The following PTCHD1 variants were observed in gnomAD, a reference collection of about 807,000 sequenced individuals.
PTCHD1 encodes the protein patched domain-containing protein 1.
A neutral mutation model predicts 34.6 loss-of-function variants in PTCHD1; 3 were observed. The ratio of observed to expected loss-of-function variants is 0.09; its 90% CI spans 0.04 to 0.22. The LOEUF is 0.22. PTCHD1 is among the 10% of genes least tolerant of loss of function. The probability of loss-of-function intolerance (pLI) is 1.00; values close to 1 mark genes in which losing one functional copy is unlikely to be tolerated. For synonymous variants in PTCHD1, 305 were observed against 283.1 expected (o/e 1.08, Z -0.77); for missense variants, 504 against 685.5 (o/e 0.74, Z 2.96).
chrX:23,341,021 C>A (rs958590957), intron 1 of PTCHD1, among the ~76,000 whole-genome samples: 1 of 112,512 alleles, frequency 8.9e-6, no homozygotes, highest in Non-Finnish European at 1.9e-5. Context: ...CTAGGGTTGT[C>A]TGACTTTTAA....
intron 2 of PTCHD1, among the ~76,000 whole-genome samples, chrX:23,381,717 G>A (rs1922568996): frequency 8.9e-6 from 1 of 111,906 alleles, no homozygotes; most frequent in South Asian, 3.8e-4. Context: ...AGACCGAGCA[G>A]CCTGATAATT....
chrX:23,372,548 C>G (rs1922308855), intron 1 of PTCHD1, among the ~76,000 whole-genome samples: 1 of 111,578 alleles, frequency 9.0e-6, no homozygotes, highest in African/African-American at 3.3e-5. Flanking sequence ...ACTCCTGATA[C>G]AGTGCTCCTC....
intron 2 of PTCHD1, among the ~76,000 whole-genome samples, chrX:23,388,853 TG>T (rs1490335077): frequency 9.3e-6 from 1 of 107,565 alleles, no homozygotes; most frequent in African/African-American, 3.4e-5. Context: ...AAGCAATGAA[TG>T]ATGATGATGC....
At chrX:23,379,536 A>G in intron 1 of PTCHD1, 55 bp from the exon 2 acceptor site, 1 of 1,164,364 alleles carries the variant, frequency 8.6e-7, no homozygotes. Flanking sequence ...CCCTCTCCAA[A>G]AAATAAAAAT....
chrX:23,389,423 C>A (rs537343533), intron 2 of PTCHD1, among the ~76,000 whole-genome samples: 2 of 112,141 alleles, frequency 1.8e-5, no homozygotes, highest in Admixed American at 1.9e-4. Context: ...CTTGTCCCTC[C>A]CTTGACTGAC....
At chrX:23,361,019 G>C (rs781688041) in intron 1 of PTCHD1, among the ~76,000 whole-genome samples, 2 of 111,889 alleles carry the variant, frequency 1.8e-5, no homozygotes, top group Non-Finnish European at 3.8e-5. Flanking sequence ...AGAGACAGTT[G>C]GTTGTGATTT....
intron 2 of PTCHD1, 57 bp from the exon 3 acceptor site, chrX:23,392,474 C>A: frequency 1.2e-6 from 1 of 807,422 alleles, no homozygotes; most frequent in Non-Finnish European, 1.9e-6. Context: ...AAGTTGATTT[C>A]CCTCTTAAGA....
At chrX:23,338,178 G>T (rs748130989) in intron 1 of PTCHD1, among the ~76,000 whole-genome samples, 1 of 111,911 alleles carries the variant, frequency 8.9e-6, no homozygotes, top group East Asian at 2.8e-4. Flanking sequence ...ACAGGGCAAC[G>T]ATGCATTATT....
intron 1 of PTCHD1, among the ~76,000 whole-genome samples, chrX:23,341,479 G>C (rs1469228421): frequency 8.9e-6 from 1 of 112,344 alleles, no homozygotes; most frequent in Non-Finnish European, 1.9e-5. Flanking sequence ...GTGCCATCTG[G>C]TACCTGATTT....
chrX:23,353,484 G>T (rs1052910648), intron 1 of PTCHD1, among the ~76,000 whole-genome samples: 11 of 112,816 alleles, frequency 9.8e-5, no homozygotes, highest in African/African-American at 3.5e-4. Context: ...AGCTACGCGG[G>T]AGGCTGAGGC....
At chrX:23,389,182 C>G (rs767988541) in intron 2 of PTCHD1, among the ~76,000 whole-genome samples, 3 of 112,019 alleles carry the variant, frequency 2.7e-5, no homozygotes, top group South Asian at 3.7e-4. Flanking sequence ...AAGGGGAACT[C>G]GGATATAATT....
chrX:23,345,802 A>T (rs1377735091), intron 1 of PTCHD1, among the ~76,000 whole-genome samples: 5 of 112,066 alleles, frequency 4.5e-5, no homozygotes, highest in Non-Finnish European at 9.4e-5. Context: ...AGCAGGATGA[A>T]AAAGTTGTTT....
chrX:23,371,737 G>A (rs753883344), intron 1 of PTCHD1, among the ~76,000 whole-genome samples: 2 of 111,225 alleles, frequency 1.8e-5, no homozygotes, highest in South Asian at 3.9e-4. Context: ...TTGTCAAGTC[G>A]GGAAGGATTA....
intron 1 of PTCHD1, among the ~76,000 whole-genome samples, chrX:23,358,417 G>A (rs1253933321): frequency 8.9e-6 from 1 of 112,467 alleles, no homozygotes; most frequent in African/African-American, 3.2e-5. Context: ...CAGTGATGAT[G>A]AGCATTTTTC....
At chrX:23,388,065 T>C (rs1206593816) in intron 2 of PTCHD1, among the ~76,000 whole-genome samples, 1 of 110,605 alleles carries the variant, frequency 9.0e-6, no homozygotes, top group Non-Finnish European at 1.9e-5. Flanking sequence ...CACTGTGATA[T>C]ATAGTCTTTT....
intron 1 of PTCHD1, among the ~76,000 whole-genome samples, chrX:23,353,240 G>GC (rs774870656): frequency 5.5e-4 from 62 of 112,602 alleles, no homozygotes; most frequent in Non-Finnish European, 8.4e-4. Context: ...GGGATACATG[G>GC]GAACTCTAAA....
At chrX:23,376,478 C>A (rs758204218) in intron 1 of PTCHD1, among the ~76,000 whole-genome samples, 1 of 112,468 alleles carries the variant, frequency 8.9e-6, no homozygotes, top group East Asian at 2.8e-4. Context: ...AATGTTTCTA[C>A]TGCCTTGAGT....
Position 23,393,577 on chromosome X carries a change from G to C in PTCHD1, c.2059G>C (p.Val687Leu). ...GTTCATCGTCTTCAATCCGTCCTTTGTATACATGGATCGATATGCCTCCTC... is the reference window on the plus strand; with the variant it reads ...GTTCATCGTCTTCAATCCGTCCTTTCTATACATGGATCGATATGCCTCCTC... ...VKFIVFNPSF[V>L]YMDRYASSLG... Residue 687 changes from valine (V) to leucine (L), a missense_variant, in exon 3 of 3, where the codon GTA becomes CTA. Coordinates refer to ENST00000379361, the MANE Select transcript of PTCHD1 (RefSeq NM_173495.3). 2 of 1,210,782 alleles carry C rather than the reference G, an allele frequency of 1.7e-6. No homozygotes were observed. Among genetic ancestry groups the C allele is most frequent in the Non-Finnish European group, 1.1e-6 (1 of 894,772 alleles).
At chrX:23,359,124 A>G (rs1273191011) in intron 1 of PTCHD1, among the ~76,000 whole-genome samples, 2 of 112,176 alleles carry the variant, frequency 1.8e-5, no homozygotes, top group East Asian at 2.8e-4. Context: ...TTGACTTGGC[A>G]ATGCAGGCTC....
Sources: gnomAD v4.1 joint callset for allele counts (sites outside exome capture counted in the v4.1 genomes callset) on GRCh38, gnomAD v4.1.1 for gene constraint, MANE v1.5 for transcripts, NCBI Gene and HGNC (gene_info 2026-07-23, HGNC 2026-07-21) for gene names.